Variants in MGST1 observed in about 807,000 individuals in gnomAD.
The protein encoded by MGST1 is glutathione S-transferase 12.
In MGST1, 5 loss-of-function variants were observed where a neutral mutation model predicts 8.9. The ratio of observed to expected loss-of-function variants is 0.56; its 90% CI spans 0.29 to 1.19. The LOEUF is 1.19. Ranked by LOEUF, MGST1 falls within the 50% of genes most tolerant of loss-of-function variation. The pLI, the probability that MGST1 is intolerant of heterozygous loss-of-function variation, is 0.08. For missense variants in MGST1, 182 were observed against 187.4 expected (o/e 0.97, Z 0.17); for synonymous variants, 54 against 67.8 (o/e 0.80, Z 1.00).
chr12:16,485,803 A>G (rs1397653576), intron 4 of MGST1, among the ~76,000 whole-genome samples: 2 of 152,234 alleles, frequency 1.3e-5, no homozygotes, highest in Non-Finnish European at 2.9e-5. Flanking sequence ...TACATTAGTC[A>G]AAAGGAAAAT....
chr12:16,489,589 G>T (rs183997545), intron 4 of MGST1, among the ~76,000 whole-genome samples: 96 of 152,188 alleles, frequency 6.3e-4, no homozygotes, highest in African/African-American at 2.3e-3. Flanking sequence ...TTCATTACAA[G>T]GATTTATTTG....
intron 4 of MGST1, chr12:16,567,632 A>AT (rs1455239776): frequency 2.0e-5 from 3 of 152,192 alleles, no homozygotes; most frequent in Non-Finnish European, 2.9e-5. Context: ...TTTAAAGGCT[A>AT]TTTTTTAAAT....
intron 1 of MGST1, among the ~76,000 whole-genome samples, chr12:16,409,000 G>T (rs1173040911): frequency 6.6e-6 from 1 of 151,850 alleles, no homozygotes; most frequent in Non-Finnish European, 1.5e-5. Context: ...ATTACTCCAT[G>T]TTTCTATTTT....
chr12:16,455,857 T>C (rs1941167686), intron 4 of MGST1, among the ~76,000 whole-genome samples: 2 of 152,028 alleles, frequency 1.3e-5, no homozygotes, highest in Admixed American at 1.3e-4. Context: ...GTTAATAGTG[T>C]ATAACCATAA....
chr12:16,473,504 C>G (rs1411133430), intron 4 of MGST1, among the ~76,000 whole-genome samples: 2 of 152,102 alleles, frequency 1.3e-5, no homozygotes, highest in Non-Finnish European at 2.9e-5. Context: ...ATACAACTGT[C>G]AAAGAAATAC....
intron 1 of MGST1, among the ~76,000 whole-genome samples, chr12:16,418,936 C>G (rs1940809019): frequency 6.6e-6 from 1 of 152,056 alleles, no homozygotes; most frequent in Admixed American, 6.6e-5. Flanking sequence ...CATACCCACC[C>G]CTCAGAGCTT....
At chr12:16,561,076 G>A (rs1942388272) in intron 4 of MGST1, among the ~76,000 whole-genome samples, 1 of 152,076 alleles carries the variant, frequency 6.6e-6, no homozygotes, top group Non-Finnish European at 1.5e-5. Context: ...TTATAGCTAT[G>A]ATTATGTTAT....
At chr12:16,534,104 G>A (rs1246126339) in intron 4 of MGST1, among the ~76,000 whole-genome samples, 2 of 152,138 alleles carry the variant, frequency 1.3e-5, no homozygotes, top group Non-Finnish European at 2.9e-5. Flanking sequence ...ACTGAAGGCA[G>A]TGGGATATCA....
chr12:16,580,235 A>G (rs1457119639), intron 4 of MGST1, among the ~76,000 whole-genome samples: 2 of 152,144 alleles, frequency 1.3e-5, no homozygotes, highest in Admixed American at 6.5e-5. Context: ...CTAGTAGCTT[A>G]GACTACAGGT....
intron 1 of MGST1, among the ~76,000 whole-genome samples, chr12:16,435,229 A>G (rs1940974277): frequency 1.3e-5 from 2 of 151,958 alleles, no homozygotes; most frequent in Non-Finnish European, 2.9e-5. Context: ...AATTAAATGT[A>G]CAAACAAAGC....
At chr12:16,567,150 C>T (rs911781558) in intron 4 of MGST1, among the ~76,000 whole-genome samples, 13 of 151,998 alleles carry the variant, frequency 8.6e-5, no homozygotes, top group East Asian at 3.9e-4. Context: ...GAGCTGAGAT[C>T]GTGCCATTGC....
intron 1 of MGST1, chr12:16,399,167 TG>T: frequency 8.6e-7 from 1 of 1,162,408 alleles, no homozygotes; most frequent in Non-Finnish European, 1.2e-6. Context: ...TAAACACAAA[TG>T]GCAAAACTTC....
At chr12:16,404,856 A>G (rs1591718769) in intron 1 of MGST1, among the ~76,000 whole-genome samples, 1 of 152,242 alleles carries the variant, frequency 6.6e-6, no homozygotes, top group East Asian at 1.9e-4. Flanking sequence ...TGGCTCTGAG[A>G]TACATTTTTT....
At chr12:16,558,798 T>C (rs1942286089) in intron 4 of MGST1, among the ~76,000 whole-genome samples, 1 of 152,162 alleles carries the variant, frequency 6.6e-6, no homozygotes, top group African/African-American at 2.4e-5. Context: ...GGAATATTAT[T>C]TGGTAAATTA....
chr12:16,569,676 G>A (rs1338796761), intron 4 of MGST1, among the ~76,000 whole-genome samples: 3 of 152,092 alleles, frequency 2.0e-5, no homozygotes, highest in East Asian at 3.9e-4. Flanking sequence ...CAAAATCTTC[G>A]ATCTGAAAAG....
chr12:16,565,747 T>C (rs962390407), intron 4 of MGST1, among the ~76,000 whole-genome samples: 3 of 151,558 alleles, frequency 2.0e-5, no homozygotes, highest in African/African-American at 4.8e-5. Flanking sequence ...GTTGGTGAGA[T>C]TGCAAATGAG....
At chr12:16,524,768 A>G (rs1297091433) in intron 4 of MGST1, among the ~76,000 whole-genome samples, 2 of 152,038 alleles carry the variant, frequency 1.3e-5, no homozygotes, top group Non-Finnish European at 2.9e-5. Flanking sequence ...CAGAGCTTAC[A>G]TATTTATGCT....
Position 16,415,314 on chromosome 12 carries a change from T to C in MGST1, n.779-22074T>C, listed in dbSNP as rs1940778402. ...ATAGGGAGGAGGGGTACATTGTGAA[T>C]TACACAGATCTGAGAACCTCCTCTT... On this transcript the variant is annotated intron_variant and non_coding_transcript_variant, in intron 1 of 1. Coordinates refer to the MGST1 transcript ENST00000359720. 2.0e-5 allele frequency among the ~76,000 whole-genome samples: 3 copies of C among 152,216 alleles called. No individual in the cohort carries two copies. In the South Asian group the frequency reaches 6.2e-4, roughly 31 times the overall value.
At chr12:16,495,833 C>T (rs1001927108) in intron 4 of MGST1, among the ~76,000 whole-genome samples, 4 of 151,982 alleles carry the variant, frequency 2.6e-5, no homozygotes, top group African/African-American at 9.7e-5. Context: ...ACGCATCCTC[C>T]CTGAATACTG....
Sources: allele counts gnomAD v4.1 joint callset (sites outside exome capture counted in the v4.1 genomes callset), GRCh38; gene constraint gnomAD v4.1.1; transcripts MANE v1.5; gene names NCBI Gene and HGNC (gene_info 2026-07-23, HGNC 2026-07-21).